TRPM6: variants seen among roughly 807,000 people sequenced by gnomAD.
The protein encoded by TRPM6 is transient receptor potential cation channel subfamily M member 6, also known as channel kinase 2.
Under a neutral mutation model 247.6 loss-of-function variants are expected in TRPM6, and 111 were observed. That is an observed-to-expected ratio of 0.45 (90% confidence interval 0.38 to 0.52). TRPM6 has a LOEUF of 0.52. Ranked by LOEUF, TRPM6 falls within the 20% of genes least tolerant of loss-of-function variation. The pLI is 0.00. For synonymous variants in TRPM6, 892 were observed against 853.8 expected, an observed-to-expected ratio of 1.04 and a Z score of -0.78; for missense variants, 2,126 against 2,421.5, an observed-to-expected ratio of 0.88 and a Z score of 2.56.
rs367930605 is a variant in TRPM6 at position 74,862,539 on chromosome 9, C to G, written c.34-3791G>C. On this transcript the variant is annotated intron_variant, in intron 1 of 38. Coordinates refer to ENST00000360774, the MANE Select transcript of TRPM6 (RefSeq NM_017662.5). ...ATCTAATCTTTGGCCTGAGGTCAGG[C>G]TGGGGAATTGCAAAGAAATGTTCAC... Among the ~76,000 whole-genome samples, 647 of 152,242 alleles carry G rather than the reference C, an allele frequency of 4.2e-3. 3 individuals are homozygous for G. Among genetic ancestry groups the G allele is most frequent in the South Asian group, 0.011 (53 of 4,824 alleles).
At chr9:74,734,412 A>G (rs1825626070) in intron 36 of TRPM6, among the ~76,000 whole-genome samples, 1 of 152,238 alleles carries the variant, frequency 6.6e-6, no homozygotes, top group African/African-American at 2.4e-5. Flanking sequence ...ACCTTTCATA[A>G]GAAAATGTAA....
chr9:74,845,837 G>A (rs375392281), intron 3 of TRPM6, among the ~76,000 whole-genome samples: 7 of 151,938 alleles, frequency 4.6e-5, no homozygotes, highest in Admixed American at 6.6e-5. Flanking sequence ...AAAACAAAAC[G>A]AAAAGTAAGA....
intron 9 of TRPM6, among the ~76,000 whole-genome samples, chr9:74,818,402 A>G (rs1415228664): frequency 2.1e-5 from 3 of 142,728 alleles, no homozygotes; most frequent in African/African-American, 8.0e-5. Flanking sequence ...TCCCGGGTTC[A>G]AGCGATTCTC....
intron 23 of TRPM6, among the ~76,000 whole-genome samples, chr9:74,777,479 T>C (rs1827264784): frequency 6.6e-6 from 1 of 152,236 alleles, no homozygotes; most frequent in Non-Finnish European, 1.5e-5. Flanking sequence ...GTTGTTGTTG[T>C]TGGCCAGGAG....
chr9:74,749,943 G>A (rs1826182860), intron 30 of TRPM6, among the ~76,000 whole-genome samples: 1 of 152,202 alleles, frequency 6.6e-6, no homozygotes, highest in African/African-American at 2.4e-5. Context: ...CCATAGAGTA[G>A]ATGGTTTTGA....
At chr9:74,808,458 C>A (rs1828612766) in intron 13 of TRPM6, among the ~76,000 whole-genome samples, 1 of 152,174 alleles carries the variant, frequency 6.6e-6, no homozygotes, top group African/African-American at 2.4e-5. Context: ...CCTTATCATG[C>A]ACACAAACAT....
Position 74,796,756 on chromosome 9 carries a change from T to C in TRPM6, c.2376A>G (p.Lys792=). ...YYSDQNASSS[K]ESASVKEYDL... ...TTGCACTAACCACAGAAGCACTTTC[T>C]TTGGAACTGCTGGCGTTCTGGTCAC... Residue 792 remains lysine, a synonymous_variant, in exon 18 of 39, where the codon AAA becomes AAG. Transcript: ENST00000360774. The C allele has an allele frequency of 6.2e-7, 1 of 1,614,090 alleles. No individual in the cohort carries two copies. Among genetic ancestry groups the C allele is most frequent in the Non-Finnish European group, 8.5e-7 (1 of 1,179,934 alleles).
chr9:74,874,163 G>GAGGCAGAGATTGCC, intron 1 of TRPM6, among the ~76,000 whole-genome samples: 1 of 151,816 alleles, frequency 6.6e-6, no homozygotes, highest in Non-Finnish European at 1.5e-5. Flanking sequence ...TTGAACCTAG[G>GAGGCAGAGATTGCC]AGGCAGAGAT....
chr9:74,779,056 T>A (rs1827326301), intron 23 of TRPM6, among the ~76,000 whole-genome samples: 3 of 152,132 alleles, frequency 2.0e-5, no homozygotes, highest in Non-Finnish European at 4.4e-5. Flanking sequence ...TGGACATTTT[T>A]AATAAACAAA....
chr9:74,833,868 G>A, intron 6 of TRPM6, 130 bp downstream of exon 6: 1 of 1,266,236 alleles, frequency 7.9e-7, no homozygotes. Flanking sequence ...GGAAGCAGCA[G>A]AAAGTCAGGA....
intron 1 of TRPM6, among the ~76,000 whole-genome samples, chr9:74,870,447 G>A (rs1830984986): frequency 6.6e-6 from 1 of 151,992 alleles, no homozygotes; most frequent in South Asian, 2.1e-4. Flanking sequence ...AAGCTATAAT[G>A]AAAGGAAAAA....
intron 14 of TRPM6, among the ~76,000 whole-genome samples, chr9:74,806,236 T>C (rs751104697): frequency 6.6e-6 from 1 of 151,890 alleles, no homozygotes; most frequent in East Asian, 1.9e-4. Flanking sequence ...CATTAAAAAA[T>C]ACAACTGAGA....
chr9:74,854,595 G>A (rs375014644), intron 3 of TRPM6, among the ~76,000 whole-genome samples: 6 of 152,100 alleles, frequency 3.9e-5, no homozygotes, highest in Non-Finnish European at 5.9e-5. Context: ...CCTTCTTCTC[G>A]TTCCATATCT....
At chr9:74,730,705 C>T (rs563227238) in intron 37 of TRPM6, among the ~76,000 whole-genome samples, 2 of 152,226 alleles carry the variant, frequency 1.3e-5, no homozygotes, top group South Asian at 4.1e-4. Context: ...CTTGTTGGTC[C>T]ACGTCCCATG....
intron 2 of TRPM6, among the ~76,000 whole-genome samples, chr9:74,856,133 C>T (rs955686796): frequency 2.6e-5 from 4 of 152,032 alleles, no homozygotes; most frequent in Non-Finnish European, 5.9e-5. Flanking sequence ...GGGGTTAGCA[C>T]TGTTGTCATC....
chr9:74,785,350 A>G (rs1587502530), intron 21 of TRPM6, among the ~76,000 whole-genome samples: 1 of 152,284 alleles, frequency 6.6e-6, no homozygotes, highest in East Asian at 1.9e-4. Flanking sequence ...ATGTACATTT[A>G]AAAATAACTA....
chr9:74,724,680 T>G lies in TRPM6; in HGVS notation c.6002A>C (p.Glu2001Ala), dbSNP rs747537717. 6.2e-7 allele frequency: 1 copy of G among 1,614,200 alleles called. No individual in the cohort carries two copies. The highest frequency in any genetic ancestry group is 1.7e-5 in the Admixed American group (1 of 60,032). Residue 2001 changes from glutamate to alanine, a missense_variant, in exon 39 of 39, where the codon GAA (glutamate) becomes GCA (alanine). Coordinates refer to ENST00000360774, the MANE Select transcript of TRPM6 (RefSeq NM_017662.5). Reference sequence around the variant, plus strand: ...CCTTGCTGGAGGCTCCTCAGCTGATTCTATTTTTATCTCAAGTCCAAAGGT... The same window carrying G: ...CCTTGCTGGAGGCTCCTCAGCTGATGCTATTTTTATCTCAAGTCCAAAGGT... ...NSTFGLEIKI[E>A]SAEEPPARET...
intron 24 of TRPM6, among the ~76,000 whole-genome samples, chr9:74,772,422 G>A (rs955641190): frequency 9.9e-5 from 15 of 152,128 alleles, no homozygotes; most frequent in African/African-American, 3.4e-4. Flanking sequence ...AATTCACTGC[G>A]TTTATATGAA....
intron 1 of TRPM6, among the ~76,000 whole-genome samples, chr9:74,863,130 T>A (rs1356861481): frequency 6.6e-6 from 1 of 151,656 alleles, no homozygotes; most frequent in Non-Finnish European, 1.5e-5. Flanking sequence ...CACTGCAACC[T>A]CTGCCTCCCA....
Sources: allele counts gnomAD v4.1 joint callset (sites outside exome capture counted in the v4.1 genomes callset), GRCh38; gene constraint gnomAD v4.1.1; transcripts MANE v1.5; gene names NCBI Gene and HGNC (gene_info 2026-07-23, HGNC 2026-07-21).